STARD13: variants seen among roughly 807,000 people sequenced by gnomAD.
STARD13 encodes the protein StAR related lipid transfer domain containing 13.
STARD13 carries 62 observed loss-of-function variants against 106.4 expected under a neutral mutation model. That is an observed-to-expected ratio of 0.58 (90% CI 0.48 to 0.72). The LOEUF is 0.72. Among genes scored for constraint, STARD13 ranks in the 30% least tolerant of loss-of-function variants. The probability of loss-of-function intolerance (pLI) is 0.00; values close to 1 mark genes in which losing one functional copy is unlikely to be tolerated. For missense variants in STARD13, 1,387 were observed against 1,424.0 expected (o/e 0.97, Z 0.42); for synonymous variants, 565 against 553.0 (o/e 1.02, Z -0.31).
At chr13:33,219,220 T>G (rs543496595) in intron 1 of STARD13, among the ~76,000 whole-genome samples, 39 of 152,216 alleles carry the variant, frequency 2.6e-4, no homozygotes, top group African/African-American at 7.2e-4. Flanking sequence ...CAGGGAAAAG[T>G]ACTGCAAAGA....
chr13:33,541,600 C>G, the STARD13 span, among the ~76,000 whole-genome samples: 2 of 152,196 alleles, frequency 1.3e-5, no homozygotes, highest in South Asian at 4.1e-4. Flanking sequence ...TTATATCCTC[C>G]GGCCCACTGC....
At chr13:33,647,253 T>C in the STARD13 span, among the ~76,000 whole-genome samples, 2 of 152,212 alleles carry the variant, frequency 1.3e-5, no homozygotes, top group Non-Finnish European at 2.9e-5. Context: ...AAATATGTTT[T>C]TCTTTACATC....
chr13:33,151,055 C>T (rs1386226094), intron 3 of STARD13, among the ~76,000 whole-genome samples: 6 of 151,996 alleles, frequency 3.9e-5, no homozygotes, highest in Admixed American at 1.3e-4. Flanking sequence ...ATAGGGACAA[C>T]GCCTCCCAGA....
chr13:33,583,284 T>TGAACCTTTCAACA, the STARD13 span, among the ~76,000 whole-genome samples: 36 of 152,334 alleles, frequency 2.4e-4, no homozygotes, highest in Admixed American at 2.2e-3. Flanking sequence ...ACCCTATTAG[T>TGAACCTTTCAACA]GGTGTGAACC....
the STARD13 span, among the ~76,000 whole-genome samples, chr13:33,487,746 G>C: frequency 1.3e-5 from 2 of 152,108 alleles, no homozygotes; most frequent in Admixed American, 6.5e-5. Context: ...GCCCTCCAAA[G>C]CCACGTTCCT....
chr13:33,464,088 G>A, the STARD13 span, among the ~76,000 whole-genome samples: 1 of 144,520 alleles, frequency 6.9e-6, no homozygotes, highest in African/African-American at 2.5e-5. Context: ...TAAAACATTA[G>A]AAGATCAATG....
chr13:33,229,418 C>T (rs7320417), intron 1 of STARD13, among the ~76,000 whole-genome samples: 19,399 of 152,226 alleles, frequency 0.13, 1,990 homozygotes, highest in African/African-American at 0.29. Context: ...CCAGGACAAC[C>T]GCAAGACTGC....
the STARD13 span, among the ~76,000 whole-genome samples, chr13:33,453,406 A>G: frequency 3.9e-5 from 6 of 152,250 alleles, no homozygotes. Flanking sequence ...GCACCAGCTC[A>G]AGTAACTTCA....
chr13:33,108,566 C>A (rs1874085924), intron 12 of STARD13, among the ~76,000 whole-genome samples: 1 of 152,232 alleles, frequency 6.6e-6, no homozygotes, highest in African/African-American at 2.4e-5. Flanking sequence ...GAAATACAAA[C>A]CCCAAGAGAG....
At chr13:33,585,959 G>C in the STARD13 span, among the ~76,000 whole-genome samples, 2,364 of 152,302 alleles carry the variant, frequency 0.016, 63 homozygotes, top group African/African-American at 0.052. Flanking sequence ...GTTACTGTTT[G>C]ATGGGGATGA....
upstream of STARD13, among the ~76,000 whole-genome samples, chr13:33,353,981 C>A (rs1488268289): frequency 6.6e-6 from 1 of 152,206 alleles, no homozygotes; most frequent in Non-Finnish European, 1.5e-5. Context: ...TGATTCTACT[C>A]TAGGGCCATG....
At chr13:33,111,679 GAACAAACA>G in intron 10 of STARD13, 91 bp downstream of exon 10, 1 of 752,906 alleles carries the variant, frequency 1.3e-6, no homozygotes, top group African/African-American at 1.7e-5. Flanking sequence ...ATAAAATCAG[GAACAAACA>G]GATAGAAACC....
the STARD13 span, among the ~76,000 whole-genome samples, chr13:33,588,587 C>T: frequency 6.6e-6 from 1 of 152,262 alleles, no homozygotes; most frequent in Admixed American, 6.5e-5. Flanking sequence ...AAGAGAATTG[C>T]TTAAAAATAA....
chr13:33,417,199 C>A, the STARD13 span, among the ~76,000 whole-genome samples: 1 of 151,988 alleles, frequency 6.6e-6, no homozygotes, highest in Non-Finnish European at 1.5e-5. Context: ...ACTGGGATGG[C>A]TATAATAAAA....
the STARD13 span, among the ~76,000 whole-genome samples, chr13:33,455,644 T>C: frequency 7.9e-5 from 12 of 151,478 alleles, no homozygotes; most frequent in Non-Finnish European, 1.3e-4. Context: ...TAAAAAAAAA[T>C]AAAAAGCGGC....
the STARD13 span, among the ~76,000 whole-genome samples, chr13:33,567,715 T>C: frequency 6.7e-6 from 1 of 148,302 alleles, no homozygotes; most frequent in African/African-American, 2.5e-5. Flanking sequence ...ATTCATTTAA[T>C]GAAATTCACT....
At chr13:33,218,078 C>T (rs1484050093) in intron 1 of STARD13, among the ~76,000 whole-genome samples, 1 of 152,160 alleles carries the variant, frequency 6.6e-6, no homozygotes, top group Non-Finnish European at 1.5e-5. Context: ...TCAATGGTGT[C>T]AAAAGTTACA....
chr13:33,625,689 G>A, the STARD13 span, among the ~76,000 whole-genome samples: 1 of 151,900 alleles, frequency 6.6e-6, no homozygotes, highest in African/African-American at 2.4e-5. Flanking sequence ...TGGTTAGAAA[G>A]AGAATTAACC....
At chr13:33,365,816 A>G in the STARD13 span, among the ~76,000 whole-genome samples, 5 of 152,226 alleles carry the variant, frequency 3.3e-5, no homozygotes, top group African/African-American at 9.6e-5. Flanking sequence ...TGGTACAATT[A>G]TAAAACATAG....
Sources: gnomAD v4.1 joint callset for allele counts (sites outside exome capture counted in the v4.1 genomes callset) on GRCh38, gnomAD v4.1.1 for gene constraint, MANE v1.5 for transcripts, NCBI Gene and HGNC (gene_info 2026-07-23, HGNC 2026-07-21) for gene names.